LIFR: variants seen among roughly 807,000 people sequenced by gnomAD.
LIFR encodes the protein LIF receptor subunit alpha.
In LIFR, 84 loss-of-function variants were observed where a neutral mutation model predicts 122.2. The ratio of observed to expected loss-of-function variants is 0.69; its 90% CI spans 0.58 to 0.82. The LOEUF (loss-of-function observed/expected upper bound fraction) is 0.82, where lower values mean the gene tolerates loss of function less well. LIFR is among the 40% of genes least tolerant of loss of function. LIFR has a pLI of 0.00. For missense variants in LIFR, 1,294 were observed against 1,311.6 expected (o/e 0.99, Z 0.21); for synonymous variants, 422 against 434.7 (o/e 0.97, Z 0.36).
intron 7 of LIFR, among the ~76,000 whole-genome samples, chr5:38,508,574 TTC>T (rs533602096): frequency 6.0e-4 from 88 of 147,134 alleles, no homozygotes; most frequent in African/African-American, 2.1e-3. Flanking sequence ...GATTATAAAT[TTC>T]TTTTTCTTTT....
chr5:38,539,391 C>T (rs1454163059), intron 1 of LIFR, among the ~76,000 whole-genome samples: 1 of 152,086 alleles, frequency 6.6e-6, no homozygotes, highest in African/African-American at 2.4e-5. Context: ...TTCCTTCCAC[C>T]CTCTTTTCCA....
intron 1 of LIFR, among the ~76,000 whole-genome samples, chr5:38,542,059 A>G (rs1747618576): frequency 6.6e-6 from 1 of 152,246 alleles, no homozygotes; most frequent in South Asian, 2.1e-4. Flanking sequence ...AGTTTGAAAA[A>G]TAAGTAGATA....
At chr5:38,501,690 G>A (rs1242385750) in intron 11 of LIFR, among the ~76,000 whole-genome samples, 2 of 151,932 alleles carry the variant, frequency 1.3e-5, no homozygotes, top group Admixed American at 6.6e-5. Context: ...GCAGTGAGCC[G>A]AGATCGCGCC....
In LIFR at chr5:38,475,374, A is replaced by G. The variant is rs1743676827; in HGVS notation, c.*6221T>C. The G allele has an allele frequency of 5.1e-6, 1 of 197,794 alleles. No individual in the cohort carries two copies. The highest frequency in any genetic ancestry group is 1.9e-4 in the South Asian group (1 of 5,222). 12.3% of individuals were successfully genotyped at this position (197,794 alleles called of 1,614,324 possible). A position where few individuals can be genotyped will look rare whatever the true frequency, so the allele number is the denominator to read the frequency against. On this transcript the variant is annotated 3_prime_UTR_variant, in exon 20 of 20. Transcript: ENST00000453190. The stretch of plus-strand genomic sequence containing the variant: ...TTTCTTCCTGTATAAGTGTATTGAA[A>G]TGTTTCCTTATACGATTAAACATGA...
intron 7 of LIFR, among the ~76,000 whole-genome samples, chr5:38,509,372 T>A (rs1580070844): frequency 6.6e-6 from 1 of 152,096 alleles, no homozygotes; most frequent in African/African-American, 2.4e-5. Flanking sequence ...GAACATAACC[T>A]CACTTTCACT....
intron 1 of LIFR, among the ~76,000 whole-genome samples, chr5:38,545,366 ATGTG>A (rs1019105569): frequency 6.7e-6 from 1 of 149,238 alleles, no homozygotes; most frequent in Non-Finnish European, 1.5e-5. Context: ...GTGTGTGTGT[ATGTG>A]TGTGTGTGTA....
intron 16 of LIFR, among the ~76,000 whole-genome samples, chr5:38,487,816 C>T (rs766865395): frequency 5.3e-5 from 8 of 152,158 alleles, no homozygotes; most frequent in Admixed American, 1.3e-4. Flanking sequence ...TCGACCCCTC[C>T]GTTCAGACCA....
intron 2 of LIFR, among the ~76,000 whole-genome samples, chr5:38,601,034 A>G (rs748434041): frequency 6.6e-6 from 1 of 152,202 alleles, no homozygotes; most frequent in Non-Finnish European, 1.5e-5. Flanking sequence ...TGTTCTGCTC[A>G]AAATTCGTAT....
At chr5:38,482,336 TC>T in intron 19 of LIFR, 118 bp from the exon 20 acceptor site, 4 of 957,490 alleles carry the variant, frequency 4.2e-6, no homozygotes, top group Non-Finnish European at 6.1e-6. Flanking sequence ...TCTCTACTAC[TC>T]TGTATTTCAC....
Position 38,477,930 on chromosome 5 carries a change from T to A in LIFR, c.*3665A>T, listed in dbSNP as rs1241415853. On this transcript the variant is annotated 3_prime_UTR_variant, in exon 20 of 20. Coordinates refer to ENST00000453190, the MANE Select transcript of LIFR (RefSeq NM_001127671.2). ...TTTTAACATAATTCAAAATAGAGAATAGCAAAAATAACCTTAGAGCAAACA... is the reference window on the plus strand; with the variant it reads ...TTTTAACATAATTCAAAATAGAGAAAAGCAAAAATAACCTTAGAGCAAACA... 4.7e-6 allele frequency: 1 copy of A among 213,288 alleles called. No homozygotes were observed. The highest frequency in any genetic ancestry group is 5.9e-5 in the Admixed American group (1 of 17,064). The allele number at this position is 213,288 out of a possible 1,614,324, so 13.2% of individuals were successfully genotyped here.
intron 9 of LIFR, 56 bp downstream of exon 9, chr5:38,505,849 A>C: frequency 1.7e-6 from 2 of 1,196,234 alleles, no homozygotes; most frequent in Non-Finnish European, 2.4e-6. Flanking sequence ...TTTTTCATTA[A>C]AGCATTTCAC....
rs201233168 is a variant in LIFR, at chr5:38,510,657, G to A, written c.798C>T (p.Asp266=). 8 of 1,613,754 alleles carry A rather than the reference G, an allele frequency of 5.0e-6. No homozygotes were observed. Among genetic ancestry groups the A allele is most frequent in the Admixed American group, 3.3e-5 (2 of 60,020 alleles). Residue 266 remains aspartate, a synonymous_variant, in exon 7 of 20, where the codon GAC becomes GAT. Transcript: ENST00000453190. ...PQDKVILVGS[D]ITFCCVSQEK... The stretch of plus-strand genomic sequence containing the variant: ...CTTGACTCACACAACAAAATGTTAT[G>A]TCTGAGCCTACAAGTATCACTTTAT...
chr5:38,581,314 AC>A, intron 1 of LIFR, among the ~76,000 whole-genome samples: 1 of 152,174 alleles, frequency 6.6e-6, no homozygotes, highest in Non-Finnish European at 1.5e-5. Flanking sequence ...GACGTTTAAG[AC>A]CCTTTGAAAA....
intron 1 of LIFR, among the ~76,000 whole-genome samples, chr5:38,538,968 CT>C (rs1051874536): frequency 6.7e-5 from 10 of 149,444 alleles, no homozygotes; most frequent in South Asian, 2.1e-4. Flanking sequence ...TTGGTTCTCT[CT>C]TTTTTTTTTG....
chr5:38,603,917 A>G (rs985831587), intron 2 of LIFR, among the ~76,000 whole-genome samples: 2 of 152,100 alleles, frequency 1.3e-5, no homozygotes, highest in Non-Finnish European at 2.9e-5. Flanking sequence ...AGCATCTATT[A>G]TCCTATTGTT....
rs752608983 is a variant in LIFR at position 38,490,267 on chromosome 5, T to C, written c.2090A>G (p.Tyr697Cys). Residue 697 changes from tyrosine to cysteine, a missense_variant, in exon 15 of 20, where the codon TAT becomes TGT. Tyr to Cys is a radical substitution (Grantham distance 194, BLOSUM62 -2). Transcript: ENST00000453190. Reference sequence around the variant, plus strand: ...TCTGCATCCATACAGGAAAAAATTATATCTTATACCTGGTCGAAACTCATC... The same window carrying C: ...TCTGCATCCATACAGGAAAAAATTACATCTTATACCTGGTCGAAACTCATC... The part of the protein sequence containing the change: ...ESDEFRPGIR[Y>C]NFFLYGCRNQ... 10 of 1,563,398 alleles carry C rather than the reference T, an allele frequency of 6.4e-6. No homozygotes were observed. The highest frequency in any genetic ancestry group is 8.8e-6 in the Non-Finnish European group (10 of 1,136,350).
intron 11 of LIFR, among the ~76,000 whole-genome samples, chr5:38,501,310 T>C (rs1043831525): frequency 2.6e-5 from 4 of 151,624 alleles, no homozygotes; most frequent in Non-Finnish European, 5.9e-5. Context: ...TCATCTCTAT[T>C]CTTCACATGT....
intron 12 of LIFR, 41 bp from the exon 13 acceptor site, chr5:38,496,636 G>A (rs777573700): frequency 1.6e-5 from 22 of 1,399,800 alleles, no homozygotes; most frequent in South Asian, 1.0e-4. Flanking sequence ...CCTGCAAAAC[G>A]TGACTGTGAC....
chr5:38,518,731 C>T (rs980248357), intron 5 of LIFR, among the ~76,000 whole-genome samples: 5 of 152,316 alleles, frequency 3.3e-5, no homozygotes, highest in Admixed American at 6.5e-5. Flanking sequence ...ACTCCTTCTA[C>T]ATGTTTTTAA....
Sources: allele counts gnomAD v4.1 joint callset (sites outside exome capture counted in the v4.1 genomes callset), GRCh38; gene constraint gnomAD v4.1.1; transcripts MANE v1.5; gene names NCBI Gene and HGNC (gene_info 2026-07-23, HGNC 2026-07-21).